The following TRIM2 variants were observed in gnomAD, a reference collection of about 807,000 sequenced individuals.
The protein encoded by TRIM2 is tripartite motif-containing protein 2.
Under a neutral mutation model 75.2 loss-of-function variants are expected in TRIM2, and 20 were observed. The observed-to-expected ratio is 0.27, with a 90% CI of 0.19 to 0.39. The LOEUF (loss-of-function observed/expected upper bound fraction) is 0.39. Among genes scored for constraint, TRIM2 ranks in the 10% least tolerant of loss-of-function variants. The pLI is 1.00. For missense variants in TRIM2, 660 were observed against 990.8 expected (o/e 0.67, Z 4.48); for synonymous variants, 373 against 388.3 (o/e 0.96, Z 0.46).
At chr4:153,274,142 G>A (rs1757508946) in intron 2 of TRIM2, among the ~76,000 whole-genome samples, 1 of 152,172 alleles carries the variant, frequency 6.6e-6, no homozygotes. Context: ...ACCATGGCAT[G>A]GCTTTCATCT....
At chr4:153,231,013 G>A (rs1743468103) in intron 1 of TRIM2, among the ~76,000 whole-genome samples, 1 of 152,192 alleles carries the variant, frequency 6.6e-6, no homozygotes, top group Admixed American at 6.5e-5. Context: ...TTTCCAAGAA[G>A]TCAAGTGACT....
intron 1 of TRIM2, among the ~76,000 whole-genome samples, chr4:153,251,477 C>T (rs1028867214): frequency 6.6e-6 from 1 of 152,192 alleles, no homozygotes; most frequent in Admixed American, 6.5e-5. Context: ...AACCATTGGG[C>T]AATACTTTTC....
At chr4:153,172,354 A>AT (rs1418114725) in intron 1 of TRIM2, among the ~76,000 whole-genome samples, 81 of 151,958 alleles carry the variant, frequency 5.3e-4, no homozygotes, top group Non-Finnish European at 2.2e-4. Context: ...CGCCCGGCTA[A>AT]TTTTTTGTAT....
chr4:153,211,143 C>T (rs1023736986), intron 1 of TRIM2, among the ~76,000 whole-genome samples: 77 of 152,296 alleles, frequency 5.1e-4, no homozygotes, highest in African/African-American at 1.7e-3. Flanking sequence ...CATCTGCACA[C>T]CGACCTGGTG....
chr4:153,196,607 GTTAT>G (rs1733807773), intron 1 of TRIM2, among the ~76,000 whole-genome samples: 1 of 152,146 alleles, frequency 6.6e-6, no homozygotes, highest in Non-Finnish European at 1.5e-5. Context: ...TGTCATTACC[GTTAT>G]TACTAGGTAC....
At chr4:153,308,292 T>C (rs1765475499) in intron 6 of TRIM2, 7 of 1,548,486 alleles carry the variant, frequency 4.5e-6, no homozygotes, top group African/African-American at 1.4e-5. Flanking sequence ...CGAAATAATG[T>C]CCTTCTCCAG....
intron 2 of TRIM2, 100 bp downstream of exon 2, chr4:153,270,619 A>G: frequency 9.6e-7 from 1 of 1,046,960 alleles, no homozygotes; most frequent in Non-Finnish European, 1.4e-6. Flanking sequence ...CCTTTGAGAG[A>G]AAACTAATCT....
At chr4:153,334,234 T>C (rs997965825) in intron 11 of TRIM2, among the ~76,000 whole-genome samples, 4 of 152,038 alleles carry the variant, frequency 2.6e-5, no homozygotes, top group Admixed American at 2.0e-4. Flanking sequence ...TAGCAGCCAA[T>C]GGCATATTCT....
intron 1 of TRIM2, among the ~76,000 whole-genome samples, chr4:153,267,699 T>C (rs894968837): frequency 6.6e-6 from 1 of 152,202 alleles, no homozygotes; most frequent in African/African-American, 2.4e-5. Flanking sequence ...TATGACCTCC[T>C]GCCTAGGGTC....
Position 153,270,515 on chromosome 4 carries a change from G to T in TRIM2, c.211G>T (p.Glu71Ter). 1 of 1,607,024 alleles carries T rather than the reference G, an allele frequency of 6.2e-7. No individual in the cohort carries two copies. Among genetic ancestry groups the T allele is most frequent in the Non-Finnish European group, 8.5e-7 (1 of 1,176,476 alleles). ...TCTCCCCTGTCTGCACACTTTCTGC[G>T]AGAGGTAAGCCTCCTTTGTGCTTGG... is the stretch of plus-strand genomic sequence containing the variant. ...KVLPCLHTFCERCLQNYIPAH... is the reference protein window; with the variant it reads ...KVLPCLHTFC The change falls in exon 2 of 12, where the codon GAG becomes TAG. Residue 71 changes from glutamate (E) to a stop codon, truncating the protein, a stop_gained. Transcript: ENST00000338700. LOFTEE classifies it high-confidence loss of function.
chr4:153,204,436 T>TA (rs779343493), upstream of TRIM2: 45 of 1,461,864 alleles, frequency 3.1e-5, no homozygotes, highest in Non-Finnish European at 4.1e-5. Context: ...GGGCCACCCT[T>TA]TAACTCGGCA....
At position 153,336,444 on chromosome 4, in the gene TRIM2, T is replaced by C. The variant is rs1772464232; in HGVS notation, c.*1478T>C. The C allele has an allele frequency of 2.0e-6, 2 of 985,076 alleles. No individual in the cohort carries two copies. The highest frequency in any genetic ancestry group is 1.8e-5 in the African/African-American group (1 of 57,108). 61.0% of individuals were successfully genotyped at this position (985,076 alleles called of 1,614,324 possible). A position where few individuals can be genotyped will look rare whatever the true frequency, so the allele number is the denominator to read the frequency against. ...GAGTTACATTTAATTTAAATATAAA[T>C]GCATTTTGAGAAATGTTAAGAACAA... On this transcript the variant is annotated 3_prime_UTR_variant, in exon 12 of 12. Coordinates refer to ENST00000338700, the MANE Select transcript of TRIM2 (RefSeq NM_015271.5).
intron 1 of TRIM2, among the ~76,000 whole-genome samples, chr4:153,175,687 T>C (rs939529896): frequency 1.3e-5 from 2 of 152,168 alleles, no homozygotes; most frequent in African/African-American, 4.8e-5. Flanking sequence ...CAAAATACTC[T>C]CTTAAAAAGT....
intron 1 of TRIM2, among the ~76,000 whole-genome samples, chr4:153,218,385 C>A (rs1271543997): frequency 1.3e-5 from 2 of 152,072 alleles, no homozygotes; most frequent in Non-Finnish European, 2.9e-5. Flanking sequence ...TTATTTTATT[C>A]TTTTTGTAGA....
chr4:153,293,150 C>T lies in TRIM2; in HGVS notation c.605+17C>T, dbSNP rs1443207674. Reference sequence around the variant, plus strand: ...CAACAAAAGGTGGGGGACCCCTCCCCAAACCCCCAACTGGCTGCCTGTACT... The same window carrying T: ...CAACAAAAGGTGGGGGACCCCTCCCTAAACCCCCAACTGGCTGCCTGTACT... On this transcript the variant is annotated intron_variant, in intron 4 of 11. Transcript: ENST00000338700. The T allele has an allele frequency of 1.3e-6, 2 of 1,592,944 alleles. No individual in the cohort carries two copies. Among genetic ancestry groups the T allele is most frequent in the African/African-American group, 2.7e-5 (2 of 74,606 alleles).
Position 153,207,910 on chromosome 4 carries a change from G to C in TRIM2, c.30+3350G>C, listed in dbSNP as rs956621717. ...ACTCATGAGCCGTAAGTTAAACATG[G>C]TTTGAAATCACCCTTGAGCTCCTTG... On this transcript the variant is annotated intron_variant, in intron 1 of 11. Transcript: ENST00000338700. Among the ~76,000 whole-genome samples the C allele has an allele frequency of 2.0e-5, 3 of 152,214 alleles. No homozygotes were observed. In the South Asian group the frequency reaches 6.2e-4, roughly 32 times the overall value.
Position 153,338,102 on chromosome 4 carries a change from C to G in TRIM2, c.*3136C>G. On this transcript the variant is annotated 3_prime_UTR_variant, in exon 12 of 12. Transcript: ENST00000338700. ...TGACTAGATTTGAAGCAAATAAATACTCCAGATCCATGCAGCTAGAACACA... is the reference window on the plus strand; with the variant it reads ...TGACTAGATTTGAAGCAAATAAATAGTCCAGATCCATGCAGCTAGAACACA... The G allele has an allele frequency of 2.0e-6, 2 of 985,800 alleles. No individual in the cohort carries two copies. Among genetic ancestry groups the G allele is most frequent in the Non-Finnish European group, 2.4e-6 (2 of 829,926 alleles). 61.1% of individuals were successfully genotyped at this position (985,800 alleles called of 1,614,324 possible). A position where few individuals can be genotyped will look rare whatever the true frequency, so the allele number is the denominator to read the frequency against.
chr4:153,262,686 A>T (rs77567292), intron 1 of TRIM2, among the ~76,000 whole-genome samples: 136 of 152,312 alleles, frequency 8.9e-4, no homozygotes, highest in African/African-American at 3.2e-3. Context: ...TGTTAGTTTT[A>T]TAAAGGTAGT....
At chr4:153,282,698 C>T (rs947561387) in intron 3 of TRIM2, among the ~76,000 whole-genome samples, 2 of 152,068 alleles carry the variant, frequency 1.3e-5, no homozygotes, top group Admixed American at 1.3e-4. Context: ...CTGCCTGCCT[C>T]AACTTCCCAG....
Sources: allele counts gnomAD v4.1 joint callset (sites outside exome capture counted in the v4.1 genomes callset), GRCh38; gene constraint gnomAD v4.1.1; transcripts MANE v1.5; gene names NCBI Gene and HGNC (gene_info 2026-07-23, HGNC 2026-07-21).